G3BP1: variants seen among roughly 807,000 people sequenced by gnomAD.
The protein encoded by G3BP1 is ras GTPase-activating protein-binding protein 1.
A neutral mutation model predicts 58.6 loss-of-function variants in G3BP1; 35 were observed. The observed-to-expected ratio is 0.60, with a 90% confidence interval of 0.46 to 0.79. The LOEUF is 0.79. Among genes scored for constraint, G3BP1 ranks in the 30% least tolerant of loss-of-function variants. The probability of loss-of-function intolerance (pLI) is 0.00; values close to 1 mark genes in which losing one functional copy is unlikely to be tolerated. For synonymous variants in G3BP1, 191 were observed against 195.4 expected (o/e 0.98, Z 0.19); for missense variants, 523 against 580.8 (o/e 0.90, Z 1.02).
Position 151,808,260 on chromosome 5 carries a change from A to T in G3BP1, c.*4169A>T, listed in dbSNP as rs1374978777. 6.6e-6 allele frequency: 1 copy of T among 152,226 alleles called. No homozygotes were observed. The highest frequency in any genetic ancestry group is 1.9e-4 in the East Asian group (1 of 5,202). 9.4% of individuals were successfully genotyped at this position (152,226 alleles called of 1,614,324 possible). A position where few individuals can be genotyped will look rare whatever the true frequency, so the allele number is the denominator to read the frequency against. On this transcript the variant is annotated 3_prime_UTR_variant, in exon 12 of 12. Transcript: ENST00000356245. ...TATAGTAAAGGAGAGATGGTGGCACATGTGAGATAAAACTTGTTTATATTT... is the reference window on the plus strand; with the variant it reads ...TATAGTAAAGGAGAGATGGTGGCACTTGTGAGATAAAACTTGTTTATATTT...
Position 151,786,704 on chromosome 5 carries a change from C to T in G3BP1, c.84C>T (p.Asp28=). The T allele has an allele frequency of 6.2e-7, 1 of 1,602,094 alleles. No individual in the cohort carries two copies. The highest frequency in any genetic ancestry group is 8.6e-7 in the Non-Finnish European group (1 of 1,169,026). The part of the protein sequence containing the change: ...QYYTLLNQAP[D]MLHRFYGKNS... Reference sequence around the variant, plus strand: ...ACACACTGCTGAACCAGGCCCCAGACATGCTGCATAGGTAAGACATTTTTC... The same window carrying T: ...ACACACTGCTGAACCAGGCCCCAGATATGCTGCATAGGTAAGACATTTTTC... Residue 28 remains aspartate (D), a synonymous_variant, in exon 2 of 12, where the codon GAC becomes GAT. Transcript: ENST00000356245.
intron 1 of G3BP1, among the ~76,000 whole-genome samples, chr5:151,774,139 C>A (rs1439895922): frequency 1.3e-5 from 2 of 152,182 alleles, no homozygotes; most frequent in Non-Finnish European, 2.9e-5. Context: ...TACATCCCTA[C>A]CAAGTCATAC....
At position 151,800,359 on chromosome 5, in the gene G3BP1, G is replaced by C; in HGVS notation, c.1084+13G>C. On this transcript the variant is annotated intron_variant, in intron 10 of 11. Transcript: ENST00000356245. Reference sequence around the variant, plus strand: ...GATTTCTTTCAAAGTAGGTTATTGAGTTTTGAACACTAAATTCATCTAGTG... The same window carrying C: ...GATTTCTTTCAAAGTAGGTTATTGACTTTTGAACACTAAATTCATCTAGTG... 6.2e-7 allele frequency: 1 copy of C among 1,604,672 alleles called. No individual in the cohort carries two copies. Among genetic ancestry groups the C allele is most frequent in the Non-Finnish European group, 8.5e-7 (1 of 1,172,018 alleles).
intron 1 of G3BP1, among the ~76,000 whole-genome samples, chr5:151,781,624 T>C (rs2113221448): frequency 6.6e-6 from 1 of 152,340 alleles, no homozygotes. Flanking sequence ...AAATATTAAA[T>C]TGCTTGATCT....
At chr5:151,790,792 C>G in intron 3 of G3BP1, 97 bp from the exon 4 acceptor site, 2 of 689,516 alleles carry the variant, frequency 2.9e-6, no homozygotes, top group Non-Finnish European at 4.9e-6. Flanking sequence ...TATACACATT[C>G]TCTTTGTGTT....
At chr5:151,782,340 T>C (rs763960148) in intron 1 of G3BP1, among the ~76,000 whole-genome samples, 6 of 152,188 alleles carry the variant, frequency 3.9e-5, no homozygotes, top group Non-Finnish European at 7.4e-5. Flanking sequence ...TTGAAATGTT[T>C]ATTCACTATT....
At position 151,810,165 on chromosome 5, in the gene G3BP1, T is replaced by C. The variant is rs1389804554; in HGVS notation, c.*6074T>C. The C allele has an allele frequency of 1.3e-5, 2 of 152,234 alleles. No homozygotes were observed. Among genetic ancestry groups the C allele is most frequent in the Admixed American group, 6.5e-5 (1 of 15,284 alleles). The allele number at this position is 152,234 out of a possible 1,614,324, so 9.4% of individuals were successfully genotyped here. Reference sequence around the variant, plus strand: ...AGGTCTTAATATTACTTTTGAGTTATTTCTCCCACTCTTCATGGAAGTGAT... The same window carrying C: ...AGGTCTTAATATTACTTTTGAGTTACTTCTCCCACTCTTCATGGAAGTGAT... On this transcript the variant is annotated 3_prime_UTR_variant, in exon 12 of 12. Coordinates refer to ENST00000356245, the MANE Select transcript of G3BP1 (RefSeq NM_005754.3).
chr5:151,779,468 C>CATG, intron 1 of G3BP1, among the ~76,000 whole-genome samples: 1 of 152,166 alleles, frequency 6.6e-6, no homozygotes, highest in Admixed American at 6.5e-5. Context: ...ATATAGTTGT[C>CATG]CATGTGGATA....
chr5:151,808,766 A>G lies in G3BP1; in HGVS notation c.*4675A>G, dbSNP rs1444706644. Reference sequence around the variant, plus strand: ...AAATTATTGATTTACTGAACCAAGTATTTATTTTCAGAAGCCCACTTTTGG... The same window carrying G: ...AAATTATTGATTTACTGAACCAAGTGTTTATTTTCAGAAGCCCACTTTTGG... On this transcript the variant is annotated 3_prime_UTR_variant, in exon 12 of 12. Coordinates refer to ENST00000356245, the MANE Select transcript of G3BP1 (RefSeq NM_005754.3). 2.6e-5 allele frequency: 4 copies of G among 152,152 alleles called. No individual in the cohort carries two copies. Among genetic ancestry groups the G allele is most frequent in the Admixed American group, 6.5e-5 (1 of 15,276 alleles). The allele number at this position is 152,152 out of a possible 1,614,324, so 9.4% of individuals were successfully genotyped here. A position where few individuals can be genotyped will look rare whatever the true frequency, so the allele number is the denominator to read the frequency against.
Position 151,800,889 on chromosome 5 carries a change from GA to G in G3BP1, c.1194+21del, listed in dbSNP as rs1762838547. ...AACAGGGTAAGCAGCTTTTTGTCTT[GA>G]TTTTTTTTTTTTTTTTTTAAAAAGG... On this transcript the variant is annotated intron_variant, in intron 11 of 11. Coordinates refer to ENST00000356245, the MANE Select transcript of G3BP1 (RefSeq NM_005754.3). The G allele has an allele frequency of 1.6e-5, 16 of 979,648 alleles. No individual in the cohort carries two copies. The highest frequency in any genetic ancestry group is 2.4e-5 in the Admixed American group (1 of 42,162). 60.7% of individuals were successfully genotyped at this position (979,648 alleles called of 1,614,324 possible).
Position 151,797,139 on chromosome 5 carries a change from G to A in G3BP1, c.540-88G>A, listed in dbSNP as rs916441816. 7 of 1,295,652 alleles carry A rather than the reference G, an allele frequency of 5.4e-6. No individual in the cohort carries two copies. In the African/African-American group the frequency reaches 1.0e-4, roughly 19 times the overall value. 80.3% of individuals were successfully genotyped at this position (1,295,652 alleles called of 1,614,324 possible). A position where few individuals can be genotyped will look rare whatever the true frequency, so the allele number is the denominator to read the frequency against. On this transcript the variant is annotated intron_variant, in intron 6 of 11. Transcript: ENST00000356245. ...TTTGGATAGAAGGAGCTAACTCTGT[G>A]TTCTGGTTTCTGATTAATAAATGAT...
intron 1 of G3BP1, chr5:151,772,372 C>G (rs1362209272): frequency 1.3e-5 from 2 of 149,256 alleles, no homozygotes; most frequent in Non-Finnish European, 2.9e-5. Context: ...GTTTCCCGCC[C>G]GCCACCCTCT....
intron 11 of G3BP1, 29 bp from the exon 12 acceptor site, chr5:151,803,856 C>CT: frequency 1.3e-6 from 2 of 1,503,410 alleles, no homozygotes; most frequent in Non-Finnish European, 1.9e-6. Flanking sequence ...CATCAGTACT[C>CT]TTAAGTCTGG....
chr5:151,792,001 A>C (rs375447314), intron 4 of G3BP1: 1 of 423,484 alleles, frequency 2.4e-6, no homozygotes, highest in Admixed American at 2.8e-5. Context: ...GAGATTCTCT[A>C]TCTTTTTATC....
Position 151,804,258 on chromosome 5 carries a change from T to C in G3BP1, c.*167T>C, listed in dbSNP as rs1158220229. On this transcript the variant is annotated 3_prime_UTR_variant, in exon 12 of 12. Coordinates refer to ENST00000356245, the MANE Select transcript of G3BP1 (RefSeq NM_005754.3). ...TAATGGTGTGTGCTCCCTCTCCCTC[T>C]CTTCCCTTTCCTGACCTTTAGTCTT... The C allele has an allele frequency of 1.1e-4, 46 of 433,870 alleles. No homozygotes were observed. The East Asian group carries it at 1.6e-3, about 15-fold the overall frequency. The allele number at this position is 433,870 out of a possible 1,614,324, so 26.9% of individuals were successfully genotyped here. A position where few individuals can be genotyped will look rare whatever the true frequency, so the allele number is the denominator to read the frequency against.
chr5:151,801,390 T>A (rs1396265748), intron 11 of G3BP1, among the ~76,000 whole-genome samples: 1 of 152,242 alleles, frequency 6.6e-6, no homozygotes, highest in Admixed American at 6.5e-5. Context: ...GAAGAATTTG[T>A]AGAATGGAAA....
At chr5:151,797,889 G>A (rs886977956) in intron 7 of G3BP1, among the ~76,000 whole-genome samples, 1 of 152,158 alleles carries the variant, frequency 6.6e-6, no homozygotes, top group Non-Finnish European at 1.5e-5. Flanking sequence ...TTCTTTTCTA[G>A]TTGGCATACC....
At chr5:151,781,235 A>G (rs934932312) in intron 1 of G3BP1, among the ~76,000 whole-genome samples, 1 of 152,242 alleles carries the variant, frequency 6.6e-6, no homozygotes, top group Non-Finnish European at 1.5e-5. Context: ...ACACTTTGAG[A>G]CCATTCAGGG....
chr5:151,786,644 C>T lies in G3BP1; in HGVS notation c.24C>T (p.Pro8=). The T allele has an allele frequency of 6.2e-7, 1 of 1,613,146 alleles. No homozygotes were observed. Among genetic ancestry groups the T allele is most frequent in the Non-Finnish European group, 8.5e-7 (1 of 1,179,130 alleles). Residue 8 remains proline (P), a synonymous_variant, in exon 2 of 12, where the codon CCC becomes CCT. Coordinates refer to ENST00000356245, the MANE Select transcript of G3BP1 (RefSeq NM_005754.3). MVMEKPS[P]LLVGREFVRQ... is the part of the protein sequence containing the mutation. ...CAATGGTGATGGAGAAGCCTAGTCC[C>T]CTGCTGGTCGGGCGGGAATTTGTGA...
Sources: gnomAD v4.1 joint callset for allele counts (sites outside exome capture counted in the v4.1 genomes callset) on GRCh38, gnomAD v4.1.1 for gene constraint, MANE v1.5 for transcripts, NCBI Gene and HGNC (gene_info 2026-07-23, HGNC 2026-07-21) for gene names.